Variants in AGO3 observed in about 807,000 individuals in gnomAD.
The protein encoded by AGO3 is protein argonaute-3.
A neutral mutation model predicts 105.5 loss-of-function variants in AGO3; 16 were observed. The ratio of observed to expected loss-of-function variants is 0.15; its 90% CI spans 0.10 to 0.23. The LOEUF (loss-of-function observed/expected upper bound fraction) is 0.23. Among genes scored for constraint, AGO3 ranks in the 10% least tolerant of loss-of-function variants. The pLI, the probability that AGO3 is intolerant of heterozygous loss-of-function variation, is 1.00. For synonymous variants in AGO3, 340 were observed against 367.3 expected, an observed-to-expected ratio of 0.93 and a Z score of 0.85; for missense variants, 534 against 1,088.0, an observed-to-expected ratio of 0.49 and a Z score of 7.16.
intron 5 of AGO3, among the ~76,000 whole-genome samples, chr1:36,003,092 T>C (rs1640168166): frequency 6.6e-6 from 1 of 150,524 alleles, no homozygotes; most frequent in Non-Finnish European, 1.5e-5. Context: ...AATAGATAAA[T>C]AGATAAATAA....
At chr1:35,937,079 C>T (rs1026486955) in intron 1 of AGO3, among the ~76,000 whole-genome samples, 2 of 152,066 alleles carry the variant, frequency 1.3e-5, no homozygotes, top group African/African-American at 4.8e-5. Flanking sequence ...TTACTAATAA[C>T]AAGGGAAATG....
chr1:36,031,781 C>A (rs1641788719), intron 12 of AGO3, among the ~76,000 whole-genome samples: 1 of 151,768 alleles, frequency 6.6e-6, no homozygotes, highest in African/African-American at 2.4e-5. Context: ...TACATGAGTC[C>A]TACAATATTT....
At chr1:35,959,385 C>T (rs1459338643) in intron 2 of AGO3, among the ~76,000 whole-genome samples, 14 of 152,060 alleles carry the variant, frequency 9.2e-5, no homozygotes, top group Non-Finnish European at 1.5e-4. Flanking sequence ...TAAATTCTCA[C>T]GTGACGTTCT....
chr1:35,939,438 A>G lies in AGO3; in HGVS notation c.20-6254A>G, dbSNP rs115545588. Among the ~76,000 whole-genome samples the G allele has an allele frequency of 6.7e-3, 1,022 of 152,274 alleles. 12 individuals are homozygous for G. Among genetic ancestry groups the G allele is most frequent in the African/African-American group, 0.023 (970 of 41,554 alleles). On this transcript the variant is annotated intron_variant, in intron 1 of 18. Coordinates refer to ENST00000373191, the MANE Select transcript of AGO3 (RefSeq NM_024852.4). ...TTTAGAGACAGATTCTGGCTCTTAA[A>G]TTAACTGAAATTTATTAATGATGTG... is the stretch of plus-strand genomic sequence containing the variant.
chr1:35,930,871 C>T (rs1441879454), upstream of AGO3: 3 of 224,554 alleles, frequency 1.3e-5, no homozygotes, highest in East Asian at 2.0e-4. Context: ...CCCACTCGTG[C>T]GGCGCGAGTA....
At position 36,070,837 on chromosome 1, in the gene AGO3, G is replaced by C. The variant is rs1215970940; in HGVS notation, c.*15092G>C. ...GGAATAATTTTAAACTATTTTTGCT[G>C]TAATGTGTAGCTTTAATGTCTCTTT... On this transcript the variant is annotated 3_prime_UTR_variant, in exon 19 of 19. Transcript: ENST00000373191. 6.6e-6 allele frequency: 1 copy of C among 152,202 alleles called. No homozygotes were observed. The highest frequency in any genetic ancestry group is 6.5e-5 in the Admixed American group (1 of 15,278). 9.4% of individuals were successfully genotyped at this position (152,202 alleles called of 1,614,324 possible).
chr1:35,974,017 A>G (rs1646914082), intron 5 of AGO3, among the ~76,000 whole-genome samples: 1 of 152,056 alleles, frequency 6.6e-6, no homozygotes, highest in African/African-American at 2.4e-5. Flanking sequence ...GATTGTCAGA[A>G]TTTTTCTACC....
chr1:36,057,357 T>C lies in AGO3; in HGVS notation c.*1612T>C, dbSNP rs529859243. ...TATTTTTTATATATATATATGTATG[T>C]GTGTGTATATAAACACATATGTATG... On this transcript the variant is annotated 3_prime_UTR_variant, in exon 19 of 19. Coordinates refer to ENST00000373191, the MANE Select transcript of AGO3 (RefSeq NM_024852.4). 6.6e-6 allele frequency: 1 copy of C among 152,044 alleles called. No individual in the cohort carries two copies. The highest frequency in any genetic ancestry group is 2.1e-4 in the South Asian group (1 of 4,822). The allele number at this position is 152,044 out of a possible 1,614,324, so 9.4% of individuals were successfully genotyped here.
intron 13 of AGO3, among the ~76,000 whole-genome samples, chr1:36,035,829 G>A (rs1037739308): frequency 2.0e-5 from 3 of 151,990 alleles, no homozygotes; most frequent in Admixed American, 6.6e-5. Context: ...TCAGGAGATC[G>A]AGACCATCCT....
At chr1:35,971,553 T>C (rs1646871464) in intron 3 of AGO3, among the ~76,000 whole-genome samples, 1 of 152,106 alleles carries the variant, frequency 6.6e-6, no homozygotes, top group Admixed American at 6.6e-5. Context: ...TCTGTCCTTA[T>C]TTTTTCCAGT....
chr1:35,978,242 T>C (rs1283459533), intron 5 of AGO3, among the ~76,000 whole-genome samples: 2 of 152,082 alleles, frequency 1.3e-5, no homozygotes, highest in East Asian at 3.9e-4. Flanking sequence ...CAGGCTGGAG[T>C]GTAGTGGCTC....
chr1:35,996,373 G>A (rs932446488), intron 5 of AGO3, among the ~76,000 whole-genome samples: 2 of 151,482 alleles, frequency 1.3e-5, no homozygotes, highest in African/African-American at 2.4e-5. Context: ...AAACACATTT[G>A]CAAAACGTAA....
In AGO3 at chr1:35,931,356, C is replaced by T. The variant is rs1024653989; in HGVS notation, c.-71C>T. 2.2e-6 allele frequency: 3 copies of T among 1,366,496 alleles called. No individual in the cohort carries two copies. Among genetic ancestry groups the T allele is most frequent in the Admixed American group, 7.1e-5 (2 of 28,212 alleles). The allele number at this position is 1,366,496 out of a possible 1,614,324, so 84.6% of individuals were successfully genotyped here. On this transcript the variant is annotated 5_prime_UTR_variant, in exon 1 of 19. Coordinates refer to ENST00000373191, the MANE Select transcript of AGO3 (RefSeq NM_024852.4). ...TGCCCGTCGCGTCGCGCCGCGTCGC[C>T]CCCCGGGCCGCCTCCTTGCCGCCAG...
intron 17 of AGO3, among the ~76,000 whole-genome samples, chr1:36,047,133 C>T (rs181909375): frequency 9.9e-5 from 15 of 152,092 alleles, no homozygotes; most frequent in Admixed American, 7.9e-4. Flanking sequence ...ATCCCAGCTA[C>T]TCGAGAGGCT....
chr1:36,026,952 G>A (rs1557696349), intron 11 of AGO3, among the ~76,000 whole-genome samples, 162 bp from the exon 12 acceptor site: 2 of 152,192 alleles, frequency 1.3e-5, no homozygotes, highest in East Asian at 3.8e-4. Context: ...ATGGATTACT[G>A]ACAGACCATT....
At position 36,008,068 on chromosome 1, in the gene AGO3, G is replaced by A. The variant is rs760582761; in HGVS notation, c.794-622G>A. ...GATCTTGACTCCATAAGAGGGTAGG[G>A]ATCACCTACTTTAGGAATTATTTTG... On this transcript the variant is annotated intron_variant, in intron 6 of 18. Coordinates refer to ENST00000373191, the MANE Select transcript of AGO3 (RefSeq NM_024852.4). The surrounding 1 kb of genome is among the most constrained non-coding windows in gnomAD (Gnocchi z 5.1). Among the ~76,000 whole-genome samples the A allele has an allele frequency of 6.6e-6, 1 of 152,154 alleles. No individual in the cohort carries two copies. The highest frequency in any genetic ancestry group is 1.5e-5 in the Non-Finnish European group (1 of 68,022).
intron 3 of AGO3, among the ~76,000 whole-genome samples, chr1:35,971,310 C>T (rs1022892042): frequency 1.3e-5 from 2 of 150,950 alleles, no homozygotes; most frequent in East Asian, 3.9e-4. Context: ...CAGGCATGCA[C>T]CACCACACCC....
chr1:36,002,106 G>A (rs1447498626), intron 5 of AGO3, among the ~76,000 whole-genome samples: 1 of 151,984 alleles, frequency 6.6e-6, no homozygotes, highest in Non-Finnish European at 1.5e-5. Context: ...TGCAACCTTC[G>A]CCTCATGGGT....
rs144432586 is a variant in AGO3 at position 36,000,011 on chromosome 1, A to C, written c.659-4330A>C. ...GGAAGTTCCCTTCTCGTCCTGGTAC[A>C]ATAAGAGTATTTGCTTCAGTGCTGA... On this transcript the variant is annotated intron_variant, in intron 5 of 18. Transcript: ENST00000373191. Among the ~76,000 whole-genome samples the C allele has an allele frequency of 4.3e-3, 659 of 152,230 alleles. 7 individuals are homozygous for C. The highest frequency in any genetic ancestry group is 0.015 in the African/African-American group (620 of 41,554).
Sources: gnomAD v4.1 joint callset for allele counts (sites outside exome capture counted in the v4.1 genomes callset) on GRCh38, gnomAD v4.1.1 for gene constraint, Gnocchi (gnomAD v3.1) non-coding constraint, MANE v1.5 for transcripts, NCBI Gene and HGNC (gene_info 2026-07-23, HGNC 2026-07-21) for gene names.